The following CCM2L variants were observed in gnomAD, a reference collection of about 807,000 sequenced individuals.
CCM2L encodes the protein CCM2 like scaffold protein.
Under a neutral mutation model 54.1 loss-of-function variants are expected in CCM2L, and 36 were observed. The ratio of observed to expected loss-of-function variants is 0.67; its 90% confidence interval spans 0.51 to 0.88. CCM2L has a LOEUF of 0.88. Among genes scored for constraint, CCM2L ranks in the 40% least tolerant of loss-of-function variants. CCM2L has a pLI of 0.00. For missense variants in CCM2L, 700 were observed against 812.1 expected (o/e 0.86, Z 1.68); for synonymous variants, 351 against 359.3 (o/e 0.98, Z 0.26).
rs1289724071 is a variant in CCM2L, at chr20:32,031,143, GCGCAGCTA to G, written c.1548_1555del (p.Ser517TrpfsTer17). ...TGAGCTCCACGTCGGCCTCCGCAGT[GCGCAGCTA>G]CGATGGCGCGGCGCAGCGGCCCGAG... On this transcript the variant is annotated frameshift_variant, in exon 10 of 10. Coordinates refer to ENST00000452892, the MANE Select transcript of CCM2L (RefSeq NM_001365692.1). LOFTEE classifies it high-confidence loss of function. The G allele has an allele frequency of 3.1e-6, 4 of 1,303,760 alleles. No individual in the cohort carries two copies. The highest frequency in any genetic ancestry group is 1.2e-5 in the South Asian group (1 of 81,012). 80.8% of individuals were successfully genotyped at this position (1,303,760 alleles called of 1,614,324 possible).
At chr20:32,010,714 C>A (rs1334950342) in intron 1 of CCM2L, among the ~76,000 whole-genome samples, 1 of 152,152 alleles carries the variant, frequency 6.6e-6, no homozygotes, top group African/African-American at 2.4e-5. Context: ...CAGACAGGGA[C>A]CTTCTCAGGA....
chr20:32,018,196 C>T lies in CCM2L; in HGVS notation c.466+34C>T, dbSNP rs867519170. 42 of 9,802 alleles carry T rather than the reference C, an allele frequency of 4.3e-3. 1 individual carries two copies. The African/African-American group carries it at 0.044, about 10-fold the overall frequency. 0.6% of individuals were successfully genotyped at this position (9,802 alleles called of 1,614,324 possible). ...GGAGGGGGCGGGGGCGGGGGAGGGG[C>T]GGGGGCGGGGGCGGGGGAGGGGCGG... On this transcript the variant is annotated intron_variant, in intron 4 of 9. Transcript: ENST00000452892.
At chr20:32,029,287 G>A (rs1301103044) in intron 8 of CCM2L, 163 bp downstream of exon 8, 1 of 908,476 alleles carries the variant, frequency 1.1e-6, no homozygotes, top group Non-Finnish European at 1.7e-6. Flanking sequence ...GCTTGTGAAA[G>A]GCCTTAACTA....
chr20:32,031,437 G>A lies in CCM2L; in HGVS notation c.*123G>A, dbSNP rs1025524472. The A allele has an allele frequency of 1.2e-6, 1 of 804,788 alleles. No homozygotes were observed. The highest frequency in any genetic ancestry group is 1.7e-6 in the Non-Finnish European group (1 of 592,626). 49.9% of individuals were successfully genotyped at this position (804,788 alleles called of 1,614,324 possible). A position where few individuals can be genotyped will look rare whatever the true frequency, so the allele number is the denominator to read the frequency against. On this transcript the variant is annotated 3_prime_UTR_variant, in exon 10 of 10. Transcript: ENST00000452892. ...GGGGCCGGGGGGTCTTCACTCCAGG[G>A]TCTCGCTCCCTGCCCTTGGGGCCCG...
Position 32,025,876 on chromosome 20 carries a change from G to A in CCM2L, c.1090G>A (p.Gly364Arg). The change falls in exon 7 of 10, where the codon GGG becomes AGG. Residue 364 changes from glycine (G) to arginine (R), a missense_variant. Physicochemically the swap from Gly to Arg is moderately radical, Grantham distance 125 (BLOSUM62 -2). Coordinates refer to ENST00000452892, the MANE Select transcript of CCM2L (RefSeq NM_001365692.1). ...CSRSESCHTDGTYAYDADFSC... is the reference protein window; with the variant it reads ...CSRSESCHTDRTYAYDADFSC... ...CCCAGGTGAGAGCTGCCACACAGAT[G>A]GGACGTATGCCTATGATGCCGACTT... 7.7e-7 allele frequency: 1 copy of A among 1,304,116 alleles called. No individual in the cohort carries two copies. The highest frequency in any genetic ancestry group is 1.2e-5 in the South Asian group (1 of 81,032). 80.8% of individuals were successfully genotyped at this position (1,304,116 alleles called of 1,614,324 possible).
intron 2 of CCM2L, among the ~76,000 whole-genome samples, chr20:32,017,333 C>T (rs2064748943): frequency 6.6e-6 from 1 of 152,152 alleles, no homozygotes; most frequent in Non-Finnish European, 1.5e-5. Context: ...ATTTGCAATT[C>T]CTTTGACAAT....
chr20:32,010,556 G>T, intron 1 of CCM2L, 72 bp downstream of exon 1: 2 of 1,098,014 alleles, frequency 1.8e-6, no homozygotes, highest in Non-Finnish European at 1.3e-6. Context: ...AAACTGGGGC[G>T]GGGTGGGGGG....
chr20:32,017,009 G>A (rs2064746455), intron 2 of CCM2L, among the ~76,000 whole-genome samples: 1 of 151,970 alleles, frequency 6.6e-6, no homozygotes, highest in Admixed American at 6.6e-5. Context: ...TTAGCTGGAC[G>A]TGGTGGCACG....
Position 32,017,783 on chromosome 20 carries a change from C to T in CCM2L, c.199-17C>T. On this transcript the variant is annotated splice_polypyrimidine_tract_variant and intron_variant, in intron 2 of 9. Transcript: ENST00000452892. ...GTGACATCTCTGTGTCCTTCTCTCA[C>T]CCCGATTTCCATCCAGTTCCTGGGC... 1.2e-6 allele frequency: 2 copies of T among 1,611,910 alleles called. No homozygotes were observed. Among genetic ancestry groups the T allele is most frequent in the South Asian group, 1.1e-5 (1 of 91,044 alleles).
intron 6 of CCM2L, among the ~76,000 whole-genome samples, chr20:32,023,547 C>A (rs2064826612): frequency 6.6e-6 from 1 of 152,234 alleles, no homozygotes; most frequent in African/African-American, 2.4e-5. Context: ...CAGTTGTGTG[C>A]CAAGCACCGT....
chr20:32,018,658 C>T (rs978574517), intron 4 of CCM2L, among the ~76,000 whole-genome samples: 54 of 152,104 alleles, frequency 3.6e-4, no homozygotes, highest in Non-Finnish European at 6.6e-4. Context: ...GACCACCACC[C>T]TCTGTTCAGA....
At chr20:32,016,600 G>T (rs2064743230) in intron 2 of CCM2L, among the ~76,000 whole-genome samples, 2 of 152,182 alleles carry the variant, frequency 1.3e-5, no homozygotes, top group East Asian at 3.9e-4. Flanking sequence ...AGGCTGCGGT[G>T]AGCCGAGCTC....
chr20:32,029,001 C>T lies in CCM2L; in HGVS notation c.1140C>T (p.Gly380=), dbSNP rs1210406719. Residue 380 remains glycine, a synonymous_variant, in exon 8 of 10, where the codon GGC becomes GGT. Coordinates refer to ENST00000452892, the MANE Select transcript of CCM2L (RefSeq NM_001365692.1). ...ADFSCCSSFN[G]SQDTFEACYS... is the part of the protein sequence containing the mutation. ...CTTCTTCCCGTGCCTGCAGTAATGG[C>T]TCCCAGGACACCTTTGAAGCATGTT... The T allele has an allele frequency of 1.9e-6, 3 of 1,614,146 alleles. No homozygotes were observed. The highest frequency in any genetic ancestry group is 1.1e-5 in the South Asian group (1 of 91,080).
At chr20:32,021,285 G>C (rs568701722) in intron 5 of CCM2L, among the ~76,000 whole-genome samples, 3 of 152,290 alleles carry the variant, frequency 2.0e-5, no homozygotes, top group Non-Finnish European at 4.4e-5. Flanking sequence ...TAGGATTCCA[G>C]ACAAAGCTAA....
At chr20:32,011,688 A>G (rs6087812) in intron 1 of CCM2L, among the ~76,000 whole-genome samples, 61,921 of 151,884 alleles carry the variant, frequency 0.41, 14,502 homozygotes, top group African/African-American at 0.65. Flanking sequence ...TGAGTCGAGA[A>G]CTGACGGGTG....
chr20:32,028,964 C>T (rs373277507), intron 7 of CCM2L, 31 bp from the exon 8 acceptor site: 42 of 1,612,138 alleles, frequency 2.6e-5, no homozygotes, highest in Non-Finnish European at 3.2e-5. Context: ...TGGAGGGAGG[C>T]GAGTGAAGGC....
At chr20:32,011,853 G>A (rs1281953635) in intron 1 of CCM2L, among the ~76,000 whole-genome samples, 2 of 151,742 alleles carry the variant, frequency 1.3e-5, no homozygotes, top group African/African-American at 4.8e-5. Flanking sequence ...CTGGACAGGT[G>A]GGCAGAGCTG....
intron 7 of CCM2L, chr20:32,027,872 A>G (rs1401737890): frequency 6.6e-6 from 1 of 152,300 alleles, no homozygotes; most frequent in African/African-American, 2.4e-5. Flanking sequence ...CCTGGCACAT[A>G]GTAGGTGTTC....
intron 1 of CCM2L, among the ~76,000 whole-genome samples, chr20:32,014,512 C>T (rs529352066): frequency 4.6e-5 from 7 of 152,210 alleles, no homozygotes; most frequent in African/African-American, 9.6e-5. Context: ...GTGATCCACC[C>T]GCCTTGGCCT....
Sources: gnomAD v4.1 joint callset for allele counts (sites outside exome capture counted in the v4.1 genomes callset) on GRCh38, gnomAD v4.1.1 for gene constraint, MANE v1.5 for transcripts, NCBI Gene and HGNC (gene_info 2026-07-23, HGNC 2026-07-21) for gene names.